CMIP: variants seen among roughly 807,000 people sequenced by gnomAD.
CMIP encodes c-Maf inducing protein.
A neutral mutation model predicts 97.3 loss-of-function variants in CMIP; 13 were observed. That is an observed-to-expected ratio of 0.13 (90% CI 0.09 to 0.21). The LOEUF (loss-of-function observed/expected upper bound fraction) is 0.21, where lower values mean the gene tolerates loss of function less well. CMIP is among the 10% of genes least tolerant of loss of function. The pLI is 1.00. For missense variants in CMIP, 847 were observed against 1,024.9 expected (o/e 0.83, Z 2.37); for synonymous variants, 538 against 436.3 (o/e 1.23, Z -2.91).
intron 1 of CMIP, among the ~76,000 whole-genome samples, chr16:81,489,222 G>A (rs1263001565): frequency 6.6e-6 from 1 of 152,154 alleles, no homozygotes; most frequent in African/African-American, 2.4e-5. Flanking sequence ...TGCTGATGGT[G>A]CACTCAGAGG....
chr16:81,477,714 G>A (rs1217220235), intron 1 of CMIP, among the ~76,000 whole-genome samples: 1 of 152,210 alleles, frequency 6.6e-6, no homozygotes, highest in South Asian at 2.1e-4. Context: ...TCGTGTGAGG[G>A]TTGCCGTGGC....
chr16:81,533,976 G>C (rs1384205804), intron 1 of CMIP: 1 of 152,254 alleles, frequency 6.6e-6, no homozygotes, highest in East Asian at 1.9e-4. Flanking sequence ...AGGGCGCAGA[G>C]ATGAGCATTT....
At chr16:81,560,624 AC>A (rs2090864295) in intron 1 of CMIP, among the ~76,000 whole-genome samples, 1 of 152,028 alleles carries the variant, frequency 6.6e-6, no homozygotes, top group Non-Finnish European at 1.5e-5. Context: ...CTCACCGCTC[AC>A]TCACTCACCC....
At chr16:81,550,004 C>T (rs921598262) in intron 1 of CMIP, among the ~76,000 whole-genome samples, 14 of 152,206 alleles carry the variant, frequency 9.2e-5, no homozygotes, top group African/African-American at 3.1e-4. Context: ...TGCGCTCACC[C>T]GTGTGCGTGG....
At chr16:81,468,414 G>A (rs1907333538) in intron 1 of CMIP, among the ~76,000 whole-genome samples, 1 of 152,254 alleles carries the variant, frequency 6.6e-6, no homozygotes, top group African/African-American at 2.4e-5. Flanking sequence ...CTCCTTGCGG[G>A]TAAATTGAGG....
Position 81,710,276 on chromosome 16 carries a change from C to T in CMIP, c.*477C>T, listed in dbSNP as rs914128808. ...GAAGACCCAGTCACATCACTGCACC[C>T]GTCCTGTGTCCTCACCATTGCTATG... is the stretch of plus-strand genomic sequence containing the variant. On this transcript the variant is annotated 3_prime_UTR_variant, in exon 21 of 21. Coordinates refer to ENST00000537098, the MANE Select transcript of CMIP (RefSeq NM_198390.3). The T allele has an allele frequency of 2.2e-5, 4 of 184,246 alleles. No homozygotes were observed. In the South Asian group the frequency reaches 3.3e-4, roughly 15 times the overall value. 11.4% of individuals were successfully genotyped at this position (184,246 alleles called of 1,614,324 possible).
chr16:81,534,412 G>A (rs2090301242), intron 1 of CMIP, among the ~76,000 whole-genome samples: 1 of 152,064 alleles, frequency 6.6e-6, no homozygotes, highest in Non-Finnish European at 1.5e-5. Context: ...GGTTTCTTTT[G>A]AAATATAGAA....
intron 1 of CMIP, among the ~76,000 whole-genome samples, chr16:81,597,167 C>G (rs1033016686): frequency 2.0e-5 from 3 of 152,110 alleles, no homozygotes; most frequent in African/African-American, 7.2e-5. Context: ...AAGGGGATTG[C>G]TGGGTTCTAG....
chr16:81,707,363 C>T (rs998026956), intron 20 of CMIP, among the ~76,000 whole-genome samples: 1 of 152,110 alleles, frequency 6.6e-6, no homozygotes, highest in Non-Finnish European at 1.5e-5. Context: ...GCCAGAAATA[C>T]CAAGGGCGAG....
chr16:81,693,813 A>G (rs1320688675), intron 13 of CMIP, among the ~76,000 whole-genome samples: 2 of 152,112 alleles, frequency 1.3e-5, no homozygotes, highest in African/African-American at 2.4e-5. Context: ...TGGTTCTGCT[A>G]TTATGTGAAT....
intron 1 of CMIP, among the ~76,000 whole-genome samples, chr16:81,593,808 G>A (rs563365434): frequency 6.6e-6 from 1 of 152,240 alleles, no homozygotes; most frequent in South Asian, 2.1e-4. Flanking sequence ...GGGGGAGGGG[G>A]CAGCATAATC....
chr16:81,580,991 C>T (rs748023299), intron 1 of CMIP, among the ~76,000 whole-genome samples: 3 of 152,128 alleles, frequency 2.0e-5, no homozygotes, highest in Non-Finnish European at 4.4e-5. Flanking sequence ...GGGCTTTCCT[C>T]TTCTGGACTT....
intron 6 of CMIP, among the ~76,000 whole-genome samples, chr16:81,662,643 T>C (rs557738844): frequency 6.6e-6 from 1 of 152,336 alleles, no homozygotes; most frequent in Admixed American, 6.5e-5. Flanking sequence ...CATCTTGCTT[T>C]CTCAGGGGAG....
intron 1 of CMIP, among the ~76,000 whole-genome samples, chr16:81,525,080 G>A (rs1677448013): frequency 1.3e-5 from 2 of 151,950 alleles, no homozygotes; most frequent in Admixed American, 6.5e-5. Flanking sequence ...ACAGGCATGA[G>A]CCACCATGCC....
chr16:81,659,123 A>C (rs192098250), intron 5 of CMIP, among the ~76,000 whole-genome samples: 1 of 152,238 alleles, frequency 6.6e-6, no homozygotes, highest in Non-Finnish European at 1.5e-5. Flanking sequence ...ACAGGAGGAC[A>C]AGTCAACCTG....
intron 3 of CMIP, among the ~76,000 whole-genome samples, chr16:81,628,859 C>T (rs995917504): frequency 2.0e-5 from 3 of 151,972 alleles, no homozygotes; most frequent in Admixed American, 6.6e-5. Flanking sequence ...GAATTGGCTG[C>T]GCGTGATGGC....
intron 1 of CMIP, among the ~76,000 whole-genome samples, chr16:81,563,827 G>A (rs1056636024): frequency 6.6e-6 from 1 of 152,222 alleles, no homozygotes; most frequent in Non-Finnish European, 1.5e-5. Flanking sequence ...TCTGCTGAGG[G>A]AGGGTCAGCA....
intron 1 of CMIP, among the ~76,000 whole-genome samples, chr16:81,541,458 A>T (rs1306092289): frequency 5.9e-5 from 9 of 152,172 alleles, no homozygotes; most frequent in Non-Finnish European, 1.5e-5. Flanking sequence ...CCAGCCCCTG[A>T]TCGGTGCCCC....
chr16:81,586,703 G>A (rs960002090), intron 1 of CMIP, among the ~76,000 whole-genome samples: 13 of 152,106 alleles, frequency 8.5e-5, no homozygotes, highest in Non-Finnish European at 1.5e-4. Context: ...TGAAGTATTC[G>A]TCCCACTTTC....
Sources: gnomAD v4.1 joint callset for allele counts (sites outside exome capture counted in the v4.1 genomes callset) on GRCh38, gnomAD v4.1.1 for gene constraint, MANE v1.5 for transcripts, NCBI Gene and HGNC (gene_info 2026-07-23, HGNC 2026-07-21) for gene names.